The following DLG1 variants were observed in gnomAD, a reference collection of about 807,000 sequenced individuals.
DLG1 encodes the protein disks large homolog 1.
Under a neutral mutation model 123.4 loss-of-function variants are expected in DLG1, and 42 were observed. The observed-to-expected ratio is 0.34, with a 90% CI of 0.27 to 0.44. DLG1 has a LOEUF of 0.44. Among genes scored for constraint, DLG1 ranks in the 20% least tolerant of loss-of-function variants. The probability of loss-of-function intolerance (pLI) is 1.00; values close to 1 mark genes in which losing one functional copy is unlikely to be tolerated. For synonymous variants in DLG1, 317 were observed against 356.2 expected, an observed-to-expected ratio of 0.89 and a Z score of 1.24; for missense variants, 942 against 1,082.6, an observed-to-expected ratio of 0.87 and a Z score of 1.82.
chr3:197,244,335 T>C (rs1222242473), intron 4 of DLG1, among the ~76,000 whole-genome samples: 1 of 152,168 alleles, frequency 6.6e-6, no homozygotes, highest in African/African-American at 2.4e-5. Context: ...TGGAGGACCA[T>C]TCGAGTGGAA....
At chr3:197,147,472 C>T (rs1427397946) in intron 6 of DLG1, among the ~76,000 whole-genome samples, 2 of 128,444 alleles carry the variant, frequency 1.6e-5, no homozygotes, top group African/African-American at 6.0e-5. Flanking sequence ...ACACACACAC[C>T]ATGGAATACT....
At chr3:197,295,433 T>C (rs1166699620) in intron 3 of DLG1, among the ~76,000 whole-genome samples, 2 of 151,870 alleles carry the variant, frequency 1.3e-5, no homozygotes, top group Non-Finnish European at 2.9e-5. Flanking sequence ...GTAATATAAT[T>C]AAGTATATGT....
chr3:197,257,750 G>T lies in DLG1; in HGVS notation c.318+24929C>A, dbSNP rs576927666. The stretch of plus-strand genomic sequence containing the variant: ...TGCTAAAGAACACGAAATGCCCTCA[G>T]CTGCGGTTTAAGCAGAGTGCTTTAT... On this transcript the variant is annotated intron_variant, in intron 4 of 24. Coordinates refer to ENST00000667157, the MANE Select transcript of DLG1 (RefSeq NM_001366207.1). 5.9e-5 allele frequency among the ~76,000 whole-genome samples: 9 copies of T among 152,278 alleles called. No homozygotes were observed. In the East Asian group the frequency reaches 1.7e-3, roughly 29 times the overall value.
chr3:197,185,143 T>G (rs1232208470), intron 5 of DLG1, among the ~76,000 whole-genome samples: 1 of 152,220 alleles, frequency 6.6e-6, no homozygotes, highest in Non-Finnish European at 1.5e-5. Context: ...TACTATTGGT[T>G]GAATAATCTA....
At chr3:197,289,448 A>G (rs910561173) in intron 3 of DLG1, among the ~76,000 whole-genome samples, 2 of 152,238 alleles carry the variant, frequency 1.3e-5, no homozygotes, top group African/African-American at 2.4e-5. Flanking sequence ...GGTATTTTAC[A>G]TATAATAATC....
At chr3:197,204,228 G>C (rs1301101917) in intron 4 of DLG1, among the ~76,000 whole-genome samples, 1 of 152,124 alleles carries the variant, frequency 6.6e-6, no homozygotes, top group Admixed American at 6.5e-5. Flanking sequence ...CCACAATACA[G>C]AAATGCATAC....
At chr3:197,178,296 T>A (rs534359967) in intron 5 of DLG1, among the ~76,000 whole-genome samples, 3 of 152,060 alleles carry the variant, frequency 2.0e-5, no homozygotes, top group Non-Finnish European at 4.4e-5. Flanking sequence ...ATATCTTGAA[T>A]AAAAAGCCAA....
intron 10 of DLG1, among the ~76,000 whole-genome samples, chr3:197,131,584 CTTTTTTTTTTTTT>C (rs773487577): frequency 2.4e-4 from 16 of 65,770 alleles, no homozygotes; most frequent in South Asian, 8.0e-4. Flanking sequence ...TTCTTCCTTT[CTTTTTTTTTTTTT>C]TTTTTTTTTT....
chr3:197,176,667 C>A (rs1807255283), intron 5 of DLG1, among the ~76,000 whole-genome samples: 1 of 152,052 alleles, frequency 6.6e-6, no homozygotes, highest in Non-Finnish European at 1.5e-5. Context: ...GGTGATATTC[C>A]ATTGTCTGAA....
At chr3:197,278,240 A>C (rs2151110662) in intron 4 of DLG1, among the ~76,000 whole-genome samples, 1 of 133,642 alleles carries the variant, frequency 7.5e-6, no homozygotes, top group East Asian at 2.4e-4. Context: ...ACGAGATCGT[A>C]CCATTGCACT....
chr3:197,095,325 T>C (rs2149221569), intron 14 of DLG1, among the ~76,000 whole-genome samples: 1 of 152,282 alleles, frequency 6.6e-6, no homozygotes, highest in East Asian at 1.9e-4. Flanking sequence ...TCACCAGTAA[T>C]GTTCTTTACA....
rs59857108 is a variant in DLG1, at chr3:197,275,185, C to CAA, written c.318+7492_318+7493dup. Among the ~76,000 whole-genome samples the CAA allele has an allele frequency of 3.6e-3, 445 of 123,984 alleles. 7 individuals carry two copies. The highest frequency in any genetic ancestry group is 0.013 in the Admixed American group (155 of 12,284). 81.3% of individuals were successfully genotyped at this position (123,984 alleles called of 152,430 possible). On this transcript the variant is annotated intron_variant, in intron 4 of 24. Transcript: ENST00000667157. ...TGGGCGACAGAGCAAGACTCTGTCT[C>CAA]AAAAAAAAAAAAAAGAAAAAAGATA...
intron 14 of DLG1, among the ~76,000 whole-genome samples, chr3:197,092,479 A>G (rs1427029778): frequency 1.3e-5 from 2 of 152,134 alleles, no homozygotes; most frequent in African/African-American, 4.8e-5. Context: ...CTATAGCTAG[A>G]GATGTATGGT....
At position 197,166,224 on chromosome 3, in the gene DLG1, G is replaced by T. The variant is rs184391522; in HGVS notation, c.484-16428C>A. 2.4e-4 allele frequency among the ~76,000 whole-genome samples: 36 copies of T among 152,292 alleles called. No homozygotes were observed. The East Asian group carries it at 6.6e-3, about 28-fold the overall frequency. Reference sequence around the variant, plus strand: ...TGGGATCTTCTGGAGCCTGAGCAGCGTGAGAAGGGCGTCCAACTAGGGCAG... The same window carrying T: ...TGGGATCTTCTGGAGCCTGAGCAGCTTGAGAAGGGCGTCCAACTAGGGCAG... On this transcript the variant is annotated intron_variant, in intron 5 of 24. Coordinates refer to ENST00000667157, the MANE Select transcript of DLG1 (RefSeq NM_001366207.1).
chr3:197,154,008 TA>T (rs200225412), intron 5 of DLG1, among the ~76,000 whole-genome samples: 72 of 151,216 alleles, frequency 4.8e-4, no homozygotes, highest in African/African-American at 1.7e-3. Flanking sequence ...AACTGTTCCT[TA>T]AAAAAAAATA....
At chr3:197,253,603 ATATT>A (rs1373022571) in intron 4 of DLG1, among the ~76,000 whole-genome samples, 1 of 152,238 alleles carries the variant, frequency 6.6e-6, no homozygotes, top group African/African-American at 2.4e-5. Context: ...GAAAGTTTAT[ATATT>A]TATTATTCCA....
At chr3:197,279,541 C>T (rs1768149018) in intron 4 of DLG1, among the ~76,000 whole-genome samples, 1 of 152,144 alleles carries the variant, frequency 6.6e-6, no homozygotes, top group Non-Finnish European at 1.5e-5. Context: ...CACTCTGTGA[C>T]CATATTCTCT....
intron 4 of DLG1, among the ~76,000 whole-genome samples, chr3:197,269,109 T>C (rs1187836355): frequency 6.6e-6 from 1 of 152,232 alleles, no homozygotes; most frequent in East Asian, 1.9e-4. Context: ...AGAAGTGCAC[T>C]CTATAAAATA....
chr3:197,065,158 TA>T, intron 22 of DLG1, 117 bp downstream of exon 22: 1 of 937,554 alleles, frequency 1.1e-6, no homozygotes, highest in Non-Finnish European at 1.5e-6. Flanking sequence ...ATTATTTAGG[TA>T]AGCAAATTCA....
Sources: allele counts gnomAD v4.1 joint callset (sites outside exome capture counted in the v4.1 genomes callset), GRCh38; gene constraint gnomAD v4.1.1; transcripts MANE v1.5; gene names NCBI Gene and HGNC (gene_info 2026-07-23, HGNC 2026-07-21).